Variants in DRD3 observed in about 807,000 individuals in gnomAD.
The protein encoded by DRD3 is dopamine receptor D3, also known as D(3) dopamine receptor.
DRD3 carries 19 observed loss-of-function variants against 36.3 expected under a neutral mutation model. That is an observed-to-expected ratio of 0.52 (90% confidence interval 0.36 to 0.77). The LOEUF (loss-of-function observed/expected upper bound fraction) is 0.77, where lower values mean the gene tolerates loss of function less well. Among genes scored for constraint, DRD3 ranks in the 30% least tolerant of loss-of-function variants. The pLI, the probability that DRD3 is intolerant of heterozygous loss-of-function variation, is 0.00. For synonymous variants in DRD3, 195 were observed against 203.7 expected, an observed-to-expected ratio of 0.96 and a Z score of 0.36; for missense variants, 465 against 505.3, an observed-to-expected ratio of 0.92 and a Z score of 0.77.
At chr3:114,157,469 G>A (rs2077693413) in intron 3 of DRD3, among the ~76,000 whole-genome samples, 1 of 152,046 alleles carries the variant, frequency 6.6e-6, no homozygotes. Flanking sequence ...CCCACAGTCT[G>A]ATTCAGTCAC....
intron 1 of DRD3, among the ~76,000 whole-genome samples, chr3:114,197,624 A>G (rs916726908): frequency 2.6e-5 from 4 of 152,310 alleles, no homozygotes; most frequent in Admixed American, 2.0e-4. Context: ...TTTTGTTTAT[A>G]GTACAAGACA....
chr3:114,178,360 G>T (rs948872573), intron 1 of DRD3, among the ~76,000 whole-genome samples: 8 of 152,028 alleles, frequency 5.3e-5, no homozygotes, highest in African/African-American at 1.4e-4. Flanking sequence ...ACAAATCCTA[G>T]AAATAATAAC....
chr3:114,174,452 G>C (rs901732374), intron 1 of DRD3, among the ~76,000 whole-genome samples: 2 of 152,336 alleles, frequency 1.3e-5, no homozygotes, highest in Non-Finnish European at 2.9e-5. Flanking sequence ...AGGTTTGACA[G>C]CTACCTAAAA....
At chr3:114,139,376 C>T in intron 5 of DRD3, 124 bp downstream of exon 5, 1 of 956,050 alleles carries the variant, frequency 1.0e-6, no homozygotes, top group Non-Finnish European at 1.5e-6. Flanking sequence ...TAGCAGATTC[C>T]AAAGTCGGTG....
At chr3:114,161,024 G>T (rs1023769532) in intron 2 of DRD3, among the ~76,000 whole-genome samples, 1 of 152,112 alleles carries the variant, frequency 6.6e-6, no homozygotes, top group Non-Finnish European at 1.5e-5. Flanking sequence ...GAATCAGGAA[G>T]ATGTGTCAGG....
chr3:114,156,931 CTCTT>C (rs201006192), intron 3 of DRD3, among the ~76,000 whole-genome samples: 5,912 of 139,258 alleles, frequency 0.042, 181 homozygotes, highest in Middle Eastern at 0.12. Flanking sequence ...TTCCTTCCTT[CTCTT>C]TCTTTCTTTC....
intron 3 of DRD3, among the ~76,000 whole-genome samples, chr3:114,156,783 CTTTCTTTCTTTCTTTCTCT>C (rs2077679348): frequency 9.4e-5 from 7 of 74,436 alleles, no homozygotes; most frequent in South Asian, 4.4e-4. Context: ...TTCTTTCTTT[CTTTCTTTCTTTCTTTCTCT>C]TTTCTTTTTC....
chr3:114,131,348 C>T lies in DRD3; in HGVS notation c.776G>A (p.Cys259Tyr), dbSNP rs1250138305. The T allele has an allele frequency of 1.9e-6, 3 of 1,614,206 alleles. No homozygotes were observed. Among genetic ancestry groups the T allele is most frequent in the Non-Finnish European group, 2.5e-6 (3 of 1,180,038 alleles). ...TGGTCCACCCAAGGCAGTGTCCTGGCAGATGCTGTAGTAACGCTTCAGCTC... is the reference window on the plus strand; with the variant it reads ...TGGTCCACCCAAGGCAGTGTCCTGGTAGATGCTGTAGTAACGCTTCAGCTC... ...HLELKRYYSI[C>Y]QDTALGGPGF... The change falls in exon 6 of 7, where the codon TGC becomes TAC. Residue 259 changes from cysteine (C) to tyrosine (Y), a missense_variant. Cys to Tyr is a radical substitution (Grantham distance 194). Transcript: ENST00000383673.
In DRD3 at chr3:114,187,364, T is replaced by C. The variant is rs36212517; in HGVS notation, c.-155-8588A>G. 7.4e-3 allele frequency among the ~76,000 whole-genome samples: 1,125 copies of C among 152,372 alleles called. 10 individuals are homozygous for C. The highest frequency in any genetic ancestry group is 0.011 in the Non-Finnish European group (721 of 68,040). ...TATCTTCATATCTTGTTTTTCAAGA[T>C]ACTCAGCATGTATAAAGTATATCTG... On this transcript the variant is annotated intron_variant, in intron 1 of 7. Coordinates refer to the DRD3 transcript ENST00000460779.
At chr3:114,187,690 G>A (rs1280086671) in intron 1 of DRD3, among the ~76,000 whole-genome samples, 1 of 152,074 alleles carries the variant, frequency 6.6e-6, no homozygotes, top group Non-Finnish European at 1.5e-5. Context: ...AGAACTCTTG[G>A]GAGTTCAAAA....
chr3:114,157,414 A>G (rs1344203577), intron 3 of DRD3, among the ~76,000 whole-genome samples: 1 of 151,914 alleles, frequency 6.6e-6, no homozygotes, highest in African/African-American at 2.4e-5. Context: ...TCATGCTCCA[A>G]AGTCTATCAC....
At position 114,171,811 on chromosome 3, in the gene DRD3, T is replaced by C; in HGVS notation, c.182A>G (p.Gln61Arg). Residue 61 changes from glutamine (Q) to arginine (R), a missense_variant, in exon 2 of 7, where the codon CAG becomes CGG. Physicochemically the swap from Gln to Arg is conservative, Grantham distance 43 (BLOSUM62 1). Transcript: ENST00000383673. ...CACTACTAAGTAGTTGGTGGTAGTC[T>C]GCAGGGCCCGCTCCTTCAGCACAGC... is the stretch of plus-strand genomic sequence containing the variant. ...CMAVLKERAL[Q>R]TTTNYLVVSL... 1 of 1,614,114 alleles carries C rather than the reference T, an allele frequency of 6.2e-7. No homozygotes were observed. Among genetic ancestry groups the C allele is most frequent in the Non-Finnish European group, 8.5e-7 (1 of 1,179,990 alleles).
intron 2 of DRD3, among the ~76,000 whole-genome samples, chr3:114,170,320 A>G (rs1414528231): frequency 6.6e-6 from 1 of 152,218 alleles, no homozygotes; most frequent in Non-Finnish European, 1.5e-5. Context: ...CATCATTCAT[A>G]TATCAAATGT....
At chr3:114,147,699 A>G in intron 3 of DRD3, 142 bp from the exon 4 acceptor site, 3 of 980,624 alleles carry the variant, frequency 3.1e-6, no homozygotes, top group Non-Finnish European at 4.5e-6. Context: ...ATTACTGTTC[A>G]CTGCAGTTCA....
At chr3:114,181,795 G>A (rs191343208), upstream of DRD3, among the ~76,000 whole-genome samples, 12 of 152,288 alleles carry the variant, frequency 7.9e-5, no homozygotes, top group East Asian at 2.1e-3. Flanking sequence ...GAAGTTTGTG[G>A]TGGGACTATT....
intron 4 of DRD3, among the ~76,000 whole-genome samples, chr3:114,144,723 C>T (rs2077555737): frequency 1.3e-5 from 2 of 152,148 alleles, no homozygotes; most frequent in South Asian, 4.2e-4. Flanking sequence ...TGAGCTCTTA[C>T]AATGGAACCT....
rs952001129 is a variant in DRD3, at chr3:114,173,658, A to T, written c.-35-1631T>A. 1.6e-4 allele frequency among the ~76,000 whole-genome samples: 25 copies of T among 152,320 alleles called. 1 individual carries two copies. Among genetic ancestry groups the T allele is most frequent in the African/African-American group, 5.1e-4 (21 of 41,574 alleles). ...GTGGGGGCCCAGCTTCTCCTGTATG[A>T]TCACATTTTGTATGGAATTTTGAAA... is the stretch of plus-strand genomic sequence containing the variant. On this transcript the variant is annotated intron_variant, in intron 1 of 6. Transcript: ENST00000383673.
chr3:114,137,528 A>G (rs917919358), intron 5 of DRD3, among the ~76,000 whole-genome samples: 1 of 152,208 alleles, frequency 6.6e-6, no homozygotes, highest in Admixed American at 6.5e-5. Context: ...TTTTGACATC[A>G]TCAAAGACCT....
intron 2 of DRD3, among the ~76,000 whole-genome samples, chr3:114,164,146 G>A (rs1010329907): frequency 3.5e-5 from 5 of 144,048 alleles, no homozygotes; most frequent in South Asian, 2.2e-4. Flanking sequence ...GCTTGAACCC[G>A]GGAGGCGGAG....
Sources: allele counts gnomAD v4.1 joint callset (sites outside exome capture counted in the v4.1 genomes callset), GRCh38; gene constraint gnomAD v4.1.1; transcripts MANE v1.5; gene names NCBI Gene and HGNC (gene_info 2026-07-23, HGNC 2026-07-21).